GLIPR1L2: variants seen among roughly 807,000 people sequenced by gnomAD.
The protein encoded by GLIPR1L2 is GLIPR1 like 2, also known as GLIPR1-like protein 2.
GLIPR1L2 carries 21 observed loss-of-function variants against 28.4 expected under a neutral mutation model. That is an observed-to-expected ratio of 0.74 (90% CI 0.52 to 1.06). GLIPR1L2 has a LOEUF of 1.06. Among genes scored for constraint, GLIPR1L2 ranks in the 50% least tolerant of loss-of-function variants. GLIPR1L2 has a pLI of 0.00. For missense variants in GLIPR1L2, 476 were observed against 416.9 expected (o/e 1.14, Z -1.23); for synonymous variants, 145 against 139.3 (o/e 1.04, Z -0.29).
chr12:75,409,907 A>C (rs2045847788), intron 1 of GLIPR1L2, among the ~76,000 whole-genome samples: 1 of 149,244 alleles, frequency 6.7e-6, no homozygotes, highest in Non-Finnish European at 1.5e-5. Flanking sequence ...TATAAGATTT[A>C]TATCTAATCC....
chr12:75,395,992 A>T (rs1295961761), intron 1 of GLIPR1L2, among the ~76,000 whole-genome samples: 2 of 151,872 alleles, frequency 1.3e-5, no homozygotes, highest in Non-Finnish European at 2.9e-5. Context: ...CATCTTTTTA[A>T]AAAAAATGTA....
intron 1 of GLIPR1L2, among the ~76,000 whole-genome samples, chr12:75,409,197 C>A (rs893239115): frequency 2.0e-5 from 3 of 151,946 alleles, no homozygotes; most frequent in Admixed American, 1.3e-4. Context: ...TAAGACAATT[C>A]TTCTTCCAAT....
intron 1 of GLIPR1L2, among the ~76,000 whole-genome samples, chr12:75,406,116 T>G (rs903725209): frequency 6.0e-5 from 9 of 151,024 alleles, no homozygotes; most frequent in Non-Finnish European, 1.3e-4. Context: ...GAAAACCAAG[T>G]ATTCTCACTT....
At chr12:75,428,662 A>G (rs1189480061) in intron 4 of GLIPR1L2, among the ~76,000 whole-genome samples, 1 of 152,196 alleles carries the variant, frequency 6.6e-6, no homozygotes, top group Non-Finnish European at 1.5e-5. Flanking sequence ...AGCCCCTCCC[A>G]TCACAGGCCC....
chr12:75,413,183 C>T lies in GLIPR1L2; in HGVS notation c.481-415C>T, dbSNP rs574579765. Among the ~76,000 whole-genome samples, 426 of 126,812 alleles carry T rather than the reference C, an allele frequency of 3.4e-3. 1 individual carries two copies. Among genetic ancestry groups the T allele is most frequent in the African/African-American group, 0.012 (364 of 31,630 alleles). 83.2% of individuals were successfully genotyped at this position (126,812 alleles called of 152,430 possible). ...ACACAGGAAGGGGAACATCACACTC[C>T]GGGGCCTGTTGTGGGGTGGGGGGAA... On this transcript the variant is annotated intron_variant, in intron 2 of 5. Coordinates refer to ENST00000550916, the MANE Select transcript of GLIPR1L2 (RefSeq NM_001270396.2).
intron 1 of GLIPR1L2, among the ~76,000 whole-genome samples, chr12:75,395,272 A>G (rs1377462118): frequency 1.3e-5 from 2 of 152,092 alleles, no homozygotes; most frequent in African/African-American, 4.8e-5. Flanking sequence ...ACCAAGGAGT[A>G]AATTCCACTG....
chr12:75,423,097 C>T, intron 4 of GLIPR1L2, 108 bp downstream of exon 4: 1 of 1,585,212 alleles, frequency 6.3e-7, no homozygotes, highest in Non-Finnish European at 8.5e-7. Context: ...TTCCTTTGAT[C>T]AGAATGCTAC....
chr12:75,415,973 C>G (rs1357259712), intron 3 of GLIPR1L2, among the ~76,000 whole-genome samples: 1 of 152,014 alleles, frequency 6.6e-6, no homozygotes. Context: ...TATTCACTCT[C>G]CTGAGAATTA....
Position 75,431,008 on chromosome 12 carries a change from T to C in GLIPR1L2, c.882T>C (p.Ser294=), listed in dbSNP as rs1244400483. 1.3e-6 allele frequency: 2 copies of C among 1,533,628 alleles called. No homozygotes were observed. Among genetic ancestry groups the C allele is most frequent in the Non-Finnish European group, 1.7e-6 (2 of 1,145,670 alleles). ...AAATGATATTTACCCCTGAGGAATC[T>C]GAAGCAGGGAATGAAGAGGAGGAAA... ...EQQMIFTPEE[S]EAGNEEEEKE... The change falls in exon 6 of 6, where the codon TCT becomes TCC. Residue 294 remains serine, a synonymous_variant. Transcript: ENST00000550916.
At chr12:75,405,517 C>T (rs1273315891) in intron 1 of GLIPR1L2, among the ~76,000 whole-genome samples, 1 of 152,112 alleles carries the variant, frequency 6.6e-6, no homozygotes, top group Non-Finnish European at 1.5e-5. Flanking sequence ...AACAATTGGT[C>T]AGCTGAGTAA....
chr12:75,413,801 AAAAT>A (rs1171788195), intron 3 of GLIPR1L2, 100 bp downstream of exon 3: 73 of 526,872 alleles, frequency 1.4e-4, no homozygotes, highest in African/African-American at 1.0e-3. Context: ...TTTGAACTAT[AAAAT>A]AAATATACTT....
intron 1 of GLIPR1L2, among the ~76,000 whole-genome samples, chr12:75,398,328 CAA>C (rs71078729): frequency 0.047 from 4,148 of 87,602 alleles, 30 homozygotes; most frequent in African/African-American, 0.067. Flanking sequence ...GACTCCATCT[CAA>C]AAAAAAAAAA....
chr12:75,391,632 T>G (rs2045601552), intron 1 of GLIPR1L2: 5 of 852,696 alleles, frequency 5.9e-6, no homozygotes, highest in Non-Finnish European at 8.8e-6. Flanking sequence ...AAATGATATT[T>G]TAATGCAACG....
chr12:75,406,722 C>A (rs1245651669), intron 1 of GLIPR1L2, among the ~76,000 whole-genome samples: 4 of 137,526 alleles, frequency 2.9e-5, no homozygotes, highest in Non-Finnish European at 6.1e-5. Context: ...CACACTACTG[C>A]ATTCTAGCCT....
At chr12:75,422,082 C>T (rs1251035887) in intron 3 of GLIPR1L2, among the ~76,000 whole-genome samples, 2 of 151,914 alleles carry the variant, frequency 1.3e-5, no homozygotes, top group African/African-American at 4.8e-5. Context: ...CCTCAAACTC[C>T]TGGACTCAAC....
intron 1 of GLIPR1L2, among the ~76,000 whole-genome samples, chr12:75,401,988 T>C (rs2045747127): frequency 6.6e-6 from 1 of 152,062 alleles, no homozygotes; most frequent in South Asian, 2.1e-4. Context: ...GCATTCTTAT[T>C]TGCAAGAACT....
At chr12:75,428,413 C>A (rs1404375545) in intron 4 of GLIPR1L2, among the ~76,000 whole-genome samples, 1 of 152,052 alleles carries the variant, frequency 6.6e-6, no homozygotes, top group East Asian at 1.9e-4. Context: ...AGCATACAGT[C>A]TTATGTATTC....
At chr12:75,419,072 G>GA (rs1353519244) in intron 3 of GLIPR1L2, among the ~76,000 whole-genome samples, 2 of 152,086 alleles carry the variant, frequency 1.3e-5, no homozygotes, top group Admixed American at 1.3e-4. Context: ...ATGGTGGGTT[G>GA]ATGGGTGCAG....
At chr12:75,421,229 G>T (rs2045973066) in intron 3 of GLIPR1L2, among the ~76,000 whole-genome samples, 1 of 152,132 alleles carries the variant, frequency 6.6e-6, no homozygotes. Flanking sequence ...CTCTGGCTGG[G>T]TTCTAAACAA....
Sources: gnomAD v4.1 joint callset for allele counts (sites outside exome capture counted in the v4.1 genomes callset) on GRCh38, gnomAD v4.1.1 for gene constraint, MANE v1.5 for transcripts, NCBI Gene and HGNC (gene_info 2026-07-23, HGNC 2026-07-21) for gene names.